Variants in ZFYVE28 observed in about 807,000 individuals in gnomAD.
The protein encoded by ZFYVE28 is lateral signaling target protein 2 homolog.
In ZFYVE28, 40 loss-of-function variants were observed where a neutral mutation model predicts 82.1. The observed-to-expected ratio is 0.49, with a 90% confidence interval of 0.38 to 0.63. The LOEUF (loss-of-function observed/expected upper bound fraction) is 0.63, where lower values mean the gene tolerates loss of function less well. Ranked by LOEUF, ZFYVE28 falls within the 30% of genes least tolerant of loss-of-function variation. ZFYVE28 has a pLI of 0.00. For missense variants in ZFYVE28, 1,321 were observed against 1,242.1 expected (o/e 1.06, Z -0.96); for synonymous variants, 612 against 546.1 (o/e 1.12, Z -1.68).
intron 1 of ZFYVE28, among the ~76,000 whole-genome samples, chr4:2,407,579 G>A (rs1265168705): frequency 1.3e-5 from 2 of 152,096 alleles, no homozygotes; most frequent in African/African-American, 2.4e-5. Context: ...AGTCCCAGGA[G>A]TTACATCTGG....
rs78404057 is a variant in ZFYVE28 at position 2,403,463 on chromosome 4, C to T, written c.39+14822G>A. Among the ~76,000 whole-genome samples, 642 of 152,328 alleles carry T rather than the reference C, an allele frequency of 4.2e-3. 4 individuals carry two copies. The highest frequency in any genetic ancestry group is 0.015 in the African/African-American group (622 of 41,572). ...CCTGGATCGTGGCGGGAGGACATAG[C>T]GCACTTCTGAAGACCTCCCCAGGCC... On this transcript the variant is annotated intron_variant, in intron 1 of 12. Transcript: ENST00000290974.
In ZFYVE28 at chr4:2,339,540, T is replaced by A; in HGVS notation, c.434A>T (p.Gln145Leu). 1 of 1,613,722 alleles carries A rather than the reference T, an allele frequency of 6.2e-7. No individual in the cohort carries two copies. Among genetic ancestry groups the A allele is most frequent in the Middle Eastern group, 1.6e-4 (1 of 6,062 alleles). ...GTAGGTGTTCAGGTCCCGCAGCGCC[T>A]GGTCACGGAGGGCGCCCCGCACGTC... The part of the protein sequence containing the change: ...LEDVRGALRD[Q>L]ALRDLNTYTE... The change falls in exon 4 of 13, where the codon CAG becomes CTG. Residue 145 changes from glutamine (Q) to leucine (L), a missense_variant. Gln to Leu is a moderately radical substitution (Grantham distance 113, BLOSUM62 -2). Coordinates refer to ENST00000290974, the MANE Select transcript of ZFYVE28 (RefSeq NM_020972.3). This position sits in a 1 kb window ranked among gnomAD's most constrained non-coding sequence, Gnocchi z 5.0.
At chr4:2,272,718 C>G (rs975447578) in intron 10 of ZFYVE28, among the ~76,000 whole-genome samples, 1 of 152,064 alleles carries the variant, frequency 6.6e-6, no homozygotes. Flanking sequence ...TGGGCAGCCT[C>G]GGGCTGCTCT....
chr4:2,288,467 G>A (rs545473708), intron 8 of ZFYVE28, among the ~76,000 whole-genome samples: 7 of 152,334 alleles, frequency 4.6e-5, no homozygotes, highest in East Asian at 3.9e-4. Context: ...GCCTGCCTCC[G>A]AGGGGCTCTG....
rs1353188100 is a variant in ZFYVE28, at chr4:2,372,829, C to T, written c.40-18756G>A. 6.6e-6 allele frequency among the ~76,000 whole-genome samples: 1 copy of T among 152,152 alleles called. No individual in the cohort carries two copies. Among genetic ancestry groups the T allele is most frequent in the East Asian group, 1.9e-4 (1 of 5,196 alleles). ...CTAAGACCTAGCCTCCCCGAGGCCT[C>T]TCCCCATGGCTGACTCACTGCAGCC... On this transcript the variant is annotated intron_variant, in intron 1 of 12. Transcript: ENST00000290974. This position sits in a 1 kb window ranked among gnomAD's most constrained non-coding sequence, Gnocchi z 5.2.
rs531173586 is a variant in ZFYVE28 at position 2,307,720 on chromosome 4, C to T, written c.804-2184G>A. ...TGTTGCCCAGGCTGGTCTTGAACTC[C>T]TGGCCTCAAGTGATCCTCCCGCCTT... is the stretch of plus-strand genomic sequence containing the variant. On this transcript the variant is annotated intron_variant, in intron 7 of 12. Transcript: ENST00000290974. 3.9e-5 allele frequency among the ~76,000 whole-genome samples: 6 copies of T among 152,274 alleles called. 1 individual carries two copies. In the East Asian group the frequency reaches 1.2e-3, roughly 29 times the overall value.
chr4:2,335,710 G>T lies in ZFYVE28; in HGVS notation c.696C>A (p.Ile232=), dbSNP rs762907904. ...TGGGCACAGGAGGCACTCACCACAC[G>T]ATGGCCAGCCTGGGGATGCTGAACA... ...ALMFSIPRLA[I]VCGLVVYADG... Residue 232 remains isoleucine (I), a synonymous_variant, in exon 6 of 13, where the codon ATC becomes ATA. Coordinates refer to ENST00000290974, the MANE Select transcript of ZFYVE28 (RefSeq NM_020972.3). The surrounding 1 kb of genome is among the most constrained non-coding windows in gnomAD (Gnocchi z 5.8). 7.6e-6 allele frequency: 12 copies of T among 1,572,538 alleles called. No individual in the cohort carries two copies. Among genetic ancestry groups the T allele is most frequent in the Non-Finnish European group, 1.0e-5 (12 of 1,158,802 alleles).
At chr4:2,371,461 A>T (rs1727544066) in intron 1 of ZFYVE28, among the ~76,000 whole-genome samples, 1 of 152,214 alleles carries the variant, frequency 6.6e-6, no homozygotes, top group South Asian at 2.1e-4. Context: ...GAGGATAAAA[A>T]TTATTTGCAA....
intron 1 of ZFYVE28, among the ~76,000 whole-genome samples, chr4:2,363,615 C>T (rs1726460018): frequency 6.6e-6 from 1 of 152,210 alleles, no homozygotes; most frequent in South Asian, 2.1e-4. Context: ...TCCCTTGCTT[C>T]CTATCTGTAA....
Position 2,304,998 on chromosome 4 carries a change from T to C in ZFYVE28, c.1342A>G (p.Ser448Gly), listed in dbSNP as rs974943231. 2.6e-5 allele frequency: 42 copies of C among 1,612,524 alleles called. No homozygotes were observed. The highest frequency in any genetic ancestry group is 3.4e-5 in the Non-Finnish European group (40 of 1,179,828). ...TCCTCCTTTTCCGAGGCGGGCAAGC[T>C]GATCCCCGCCGCTCCGCCTGGCCCA... ...QGGPGGAAGI[S>G]LPASEKEEDL... Residue 448 changes from serine (S) to glycine (G), a missense_variant, in exon 8 of 13, where the codon AGC becomes GGC. Around this residue, in one of 2 missense-constraint regions of ZFYVE28, gnomAD observed 978 missense variants for 833.7 expected, o/e 1.17. Coordinates refer to ENST00000290974, the MANE Select transcript of ZFYVE28 (RefSeq NM_020972.3).
chr4:2,304,532 C>T lies in ZFYVE28; in HGVS notation c.1808G>A (p.Ser603Asn), dbSNP rs17768776. 0.1 allele frequency: 166,304 copies of T among 1,612,490 alleles called. 9,209 individuals carry two copies. The highest frequency in any genetic ancestry group is 0.17 in the Middle Eastern group (1,056 of 6,058). The change falls in exon 8 of 13, where the codon AGC becomes AAC. Residue 603 changes from serine (S) to asparagine (N), a missense_variant. Ser to Asn is a conservative substitution (Grantham distance 46). This residue lies in a region of ZFYVE28 where 978 missense variants were observed against 833.7 expected (regional missense o/e 1.17). Transcript: ENST00000290974. ...ASYAAGLAKA[S>N]DRAPERQEEA... is the part of the protein sequence containing the mutation. ...CTCCTGTCTCTCAGGGGCCCTGTCGCTGGCCTTGGCTAAGCCGGCAGCGTA... is the reference window on the plus strand; with the variant it reads ...CTCCTGTCTCTCAGGGGCCCTGTCGTTGGCCTTGGCTAAGCCGGCAGCGTA...
chr4:2,378,383 C>T (rs1190763784), intron 1 of ZFYVE28, among the ~76,000 whole-genome samples: 1 of 152,162 alleles, frequency 6.6e-6, no homozygotes. Context: ...ATGGGACCAC[C>T]ATTGTATATG....
rs747273183 is a variant in ZFYVE28, at chr4:2,305,176, C to T, written c.1164G>A (p.Pro388=). The change falls in exon 8 of 13, where the codon CCG becomes CCA. Residue 388 remains proline (P), a synonymous_variant. Coordinates refer to ENST00000290974, the MANE Select transcript of ZFYVE28 (RefSeq NM_020972.3). ...SPGGEASPGR[P]RLRSGSDEEE... ...CCTCGTCACTGCCTGACCGCAGGCG[C>T]GGTCTACCTGGAGAGGCCTCCCCGC... The T allele has an allele frequency of 4.4e-5, 70 of 1,595,190 alleles. 1 individual carries two copies. Among genetic ancestry groups the T allele is most frequent in the Non-Finnish European group, 5.8e-5 (68 of 1,168,292 alleles).
intron 7 of ZFYVE28, among the ~76,000 whole-genome samples, chr4:2,305,738 G>A (rs1450386251): frequency 6.6e-6 from 1 of 152,258 alleles, no homozygotes; most frequent in Non-Finnish European, 1.5e-5. Context: ...GGACAACGGT[G>A]TTCAAGGTGG....
At chr4:2,330,425 G>A in intron 6 of ZFYVE28, 2 of 1,049,344 alleles carry the variant, frequency 1.9e-6, no homozygotes, top group Non-Finnish European at 2.3e-6. Context: ...CACGGAAGAG[G>A]GGACATCATG....
intron 8 of ZFYVE28, among the ~76,000 whole-genome samples, chr4:2,278,264 G>A (rs1243069490): frequency 4.5e-5 from 6 of 134,570 alleles, no homozygotes; most frequent in Admixed American, 8.5e-5. Flanking sequence ...ATGGCTTACC[G>A]CAGCTTTGAC....
Position 2,338,531 on chromosome 4 carries a change from C to G in ZFYVE28, c.521+922G>C, listed in dbSNP as rs190909653. On this transcript the variant is annotated intron_variant, in intron 4 of 12. Transcript: ENST00000290974. ...TGGCTTGAACTCAGGAGGTGGAGGT[C>G]GCGGTGAGCTGAGATCGTGCCACTG... Among the ~76,000 whole-genome samples, 23 of 152,128 alleles carry G rather than the reference C, an allele frequency of 1.5e-4. No homozygotes were observed. The East Asian group carries it at 4.5e-3, about 30-fold the overall frequency.
At chr4:2,330,500 AGAG>A (rs970051662) in intron 6 of ZFYVE28, 2 of 1,112,722 alleles carry the variant, frequency 1.8e-6, no homozygotes, top group African/African-American at 3.4e-5. Flanking sequence ...GGGACAGTGC[AGAG>A]GAGCACAGGG....
Position 2,337,397 on chromosome 4 carries a change from C to A in ZFYVE28, c.611+10G>T. 6.3e-7 allele frequency: 1 copy of A among 1,595,250 alleles called. No individual in the cohort carries two copies. The highest frequency in any genetic ancestry group is 2.3e-5 in the East Asian group (1 of 44,032). ...TGCTGCCCCCAGCCCCTAAGCATCC[C>A]TGTGCTCACCTCTCCACCGTCTCGC... On this transcript the variant is annotated intron_variant, in intron 5 of 12. Coordinates refer to ENST00000290974, the MANE Select transcript of ZFYVE28 (RefSeq NM_020972.3).
Sources: allele counts gnomAD v4.1 joint callset (sites outside exome capture counted in the v4.1 genomes callset), GRCh38; gene constraint gnomAD v4.1.1; regional missense constraint gnomAD v4.1.1; non-coding constraint Gnocchi (gnomAD v3.1); transcripts MANE v1.5; gene names NCBI Gene and HGNC (gene_info 2026-07-23, HGNC 2026-07-21).